The following MALRD1 variants were observed in gnomAD, a reference collection of about 807,000 sequenced individuals.
The protein encoded by MALRD1 is MAM and LDL receptor class A domain containing 1.
MALRD1 carries 247 observed loss-of-function variants against 242.1 expected under a neutral mutation model. That is an observed-to-expected ratio of 1.02 (90% confidence interval 0.92 to 1.13). The LOEUF (loss-of-function observed/expected upper bound fraction) is 1.13, where lower values mean the gene tolerates loss of function less well. Ranked by LOEUF, MALRD1 falls within the 50% of genes most tolerant of loss-of-function variation. MALRD1 has a pLI of 0.00. For synonymous variants in MALRD1, 995 were observed against 866.6 expected (o/e 1.15, Z -2.60); for missense variants, 2,989 against 2,533.1 (o/e 1.18, Z -3.86).
intron 32 of MALRD1, among the ~76,000 whole-genome samples, chr10:19,557,828 C>A (rs1455651139): frequency 2.0e-5 from 3 of 152,006 alleles, no homozygotes; most frequent in African/African-American, 7.2e-5. Context: ...AGGACTTTGA[C>A]TATGATTGAT....
chr10:19,694,516 G>C (rs567924854), intron 38 of MALRD1, among the ~76,000 whole-genome samples: 1 of 152,084 alleles, frequency 6.6e-6, no homozygotes, highest in Admixed American at 6.6e-5. Flanking sequence ...ATCAAAACCA[G>C]AATGAGATAT....
chr10:19,342,696 A>G (rs1053278437), intron 24 of MALRD1, among the ~76,000 whole-genome samples: 6 of 152,146 alleles, frequency 3.9e-5, no homozygotes, highest in Admixed American at 3.9e-4. Flanking sequence ...TTGAGAAATT[A>G]TGTTAGAAAG....
At chr10:19,105,678 C>A (rs545609096) in intron 5 of MALRD1, among the ~76,000 whole-genome samples, 2 of 152,134 alleles carry the variant, frequency 1.3e-5, no homozygotes, top group South Asian at 4.1e-4. Flanking sequence ...TTATCCACAT[C>A]CGAACCAGCA....
intron 26 of MALRD1, among the ~76,000 whole-genome samples, chr10:19,373,120 A>T (rs964808587): frequency 1.3e-5 from 2 of 149,674 alleles, no homozygotes; most frequent in African/African-American, 5.0e-5. Context: ...ATGAAATTTC[A>T]GTAGACAAAG....
At chr10:19,418,813 C>A (rs969786938) in intron 28 of MALRD1, among the ~76,000 whole-genome samples, 1 of 152,150 alleles carries the variant, frequency 6.6e-6, no homozygotes, top group African/African-American at 2.4e-5. Context: ...ATAATTTTTT[C>A]TATCCTTATA....
At chr10:19,309,915 C>T (rs2131986129) in intron 21 of MALRD1, among the ~76,000 whole-genome samples, 1 of 151,622 alleles carries the variant, frequency 6.6e-6, no homozygotes, top group South Asian at 2.1e-4. Flanking sequence ...GAAAGACCAG[C>T]AACACCTAAA....
At chr10:19,291,180 C>A (rs956196310) in intron 21 of MALRD1, among the ~76,000 whole-genome samples, 1 of 152,006 alleles carries the variant, frequency 6.6e-6, no homozygotes, top group Non-Finnish European at 1.5e-5. Context: ...AAATTATTCC[C>A]TTAAGCAAAA....
intron 19 of MALRD1, among the ~76,000 whole-genome samples, chr10:19,275,302 A>G (rs1840454869): frequency 6.6e-6 from 1 of 152,218 alleles, no homozygotes; most frequent in South Asian, 2.1e-4. Flanking sequence ...TCTCAAATGC[A>G]AAGTTATTGA....
chr10:19,235,712 C>T (rs1457592405), intron 18 of MALRD1, among the ~76,000 whole-genome samples: 1 of 151,246 alleles, frequency 6.6e-6, no homozygotes, highest in African/African-American at 2.4e-5. Context: ...TAGAAAGTAA[C>T]GTTAATGAGA....
chr10:19,374,975 C>CGTGCAAT (rs1554842170), intron 26 of MALRD1, among the ~76,000 whole-genome samples: 5 of 152,120 alleles, frequency 3.3e-5, no homozygotes, highest in Non-Finnish European at 7.3e-5. Context: ...GTCCCTACCA[C>CGTGCAAT]GTGCAATGAT....
intron 18 of MALRD1, among the ~76,000 whole-genome samples, chr10:19,223,990 A>G (rs575620439): frequency 6.6e-5 from 10 of 152,276 alleles, no homozygotes; most frequent in African/African-American, 2.4e-4. Context: ...TCTATTGTGA[A>G]TAGTGCTGCA....
intron 8 of MALRD1, among the ~76,000 whole-genome samples, chr10:19,131,380 G>A (rs1199193537): frequency 6.6e-6 from 1 of 152,080 alleles, no homozygotes; most frequent in Non-Finnish European, 1.5e-5. Context: ...GTGAAGGCAA[G>A]TTGTTAAATA....
At chr10:19,729,691 G>C (rs1157452522) in intron 38 of MALRD1, among the ~76,000 whole-genome samples, 1 of 148,530 alleles carries the variant, frequency 6.7e-6, no homozygotes, top group African/African-American at 2.5e-5. Flanking sequence ...GTAGTCCAGG[G>C]CTGCGTGTCT....
chr10:19,253,768 A>T lies in MALRD1; in HGVS notation c.2992-3916A>T, dbSNP rs183887874. Among the ~76,000 whole-genome samples, 44 of 152,086 alleles carry T rather than the reference A, an allele frequency of 2.9e-4. No individual in the cohort carries two copies. The East Asian group carries it at 7.0e-3, about 24-fold the overall frequency. On this transcript the variant is annotated intron_variant, in intron 18 of 39. Coordinates refer to ENST00000454679, the MANE Select transcript of MALRD1 (RefSeq NM_001142308.3). ...AAATCTTCCATTTCCTGATATAGTC[A>T]ATCTCCTCCTTTTACACCCCCAGCT...
At position 19,264,634 on chromosome 10, in the gene MALRD1, T is replaced by C. The variant is rs191540277; in HGVS notation, c.3079+6863T>C. Among the ~76,000 whole-genome samples the C allele has an allele frequency of 2.5e-3, 385 of 152,026 alleles. 7 individuals are homozygous for C. The highest frequency in any genetic ancestry group is 9.1e-3 in the African/African-American group (376 of 41,446). On this transcript the variant is annotated intron_variant, in intron 19 of 39. Coordinates refer to ENST00000454679, the MANE Select transcript of MALRD1 (RefSeq NM_001142308.3). ...ATGCCCAGCTAATTTTTTGTACTTT[T>C]CGTAGATCCGGGGTTTCACTGTGTT...
At chr10:19,461,178 TCATTTA>T (rs1027777948) in intron 29 of MALRD1, among the ~76,000 whole-genome samples, 5 of 152,068 alleles carry the variant, frequency 3.3e-5, no homozygotes, top group African/African-American at 1.2e-4. Flanking sequence ...ATACACAATC[TCATTTA>T]AGAGGGGAAT....
At chr10:19,062,148 T>C (rs944352865) in intron 1 of MALRD1, among the ~76,000 whole-genome samples, 1 of 152,034 alleles carries the variant, frequency 6.6e-6, no homozygotes, top group African/African-American at 2.4e-5. Flanking sequence ...TACATAAATG[T>C]CCAATAAGCA....
intron 38 of MALRD1, among the ~76,000 whole-genome samples, chr10:19,697,317 C>A (rs1353281056): frequency 6.6e-6 from 1 of 152,104 alleles, no homozygotes; most frequent in African/African-American, 2.4e-5. Flanking sequence ...GAAACTCTGA[C>A]AGAGTTTTGC....
chr10:19,335,848 A>C (rs1202915511), intron 24 of MALRD1, among the ~76,000 whole-genome samples: 1 of 152,140 alleles, frequency 6.6e-6, no homozygotes, highest in Non-Finnish European at 1.5e-5. Flanking sequence ...GTATATGTGC[A>C]GAACATGCAG....
Sources: gnomAD v4.1 joint callset for allele counts (sites outside exome capture counted in the v4.1 genomes callset) on GRCh38, gnomAD v4.1.1 for gene constraint, MANE v1.5 for transcripts, NCBI Gene and HGNC (gene_info 2026-07-23, HGNC 2026-07-21) for gene names.